Variants in MYLK3 observed in about 807,000 individuals in gnomAD.
The protein encoded by MYLK3 is myosin light chain kinase 3.
MYLK3 carries 55 observed loss-of-function variants against 76.3 expected under a neutral mutation model. The observed-to-expected ratio is 0.72, with a 90% CI of 0.58 to 0.90. The LOEUF is 0.90. Ranked by LOEUF, MYLK3 falls within the 40% of genes least tolerant of loss-of-function variation. The pLI is 0.00. For missense variants in MYLK3, 973 were observed against 1,053.6 expected (o/e 0.92, Z 1.06); for synonymous variants, 416 against 425.4 (o/e 0.98, Z 0.27).
At chr16:46,729,512 A>G (rs747279793) in intron 6 of MYLK3, 82 bp downstream of exon 6, 2 of 1,263,252 alleles carry the variant, frequency 1.6e-6, no homozygotes, top group East Asian at 4.6e-5. Context: ...TTTCCAGCTC[A>G]GCATGGGAGC....
intron 3 of MYLK3, among the ~76,000 whole-genome samples, chr16:46,736,981 C>T (rs1313843614): frequency 6.6e-6 from 1 of 152,246 alleles, no homozygotes; most frequent in African/African-American, 2.4e-5. Context: ...CACGACTCCA[C>T]CTCCAGGACT....
At position 46,732,416 on chromosome 16, in the gene MYLK3, T is replaced by A. The variant is rs1257530646; in HGVS notation, c.1254A>T (p.Gln418His). ...SPGGVKAEEEQRAGAEPGTRP... is the reference protein window; with the variant it reads ...SPGGVKAEEEHRAGAEPGTRP... ...TCGTGCCAGGCTCGGCCCCAGCCCT[T>A]TGCTCCTCCTCTGCCTTCACTCCCC... The change falls in exon 4 of 13, where the codon CAA (glutamine) becomes CAT (histidine). Residue 418 changes from glutamine (Q) to histidine (H), a missense_variant. By Grantham distance (24) the Gln-to-His change is conservative. Transcript: ENST00000394809. The A allele has an allele frequency of 4.3e-6, 7 of 1,613,392 alleles. No homozygotes were observed. Among genetic ancestry groups the A allele is most frequent in the Non-Finnish European group, 5.9e-6 (7 of 1,180,006 alleles).
chr16:46,718,362 G>A (rs557048233), intron 9 of MYLK3, among the ~76,000 whole-genome samples: 1 of 152,306 alleles, frequency 6.6e-6, no homozygotes, highest in East Asian at 1.9e-4. Context: ...ACAATACACT[G>A]TGTGATAGAG....
chr16:46,709,405 G>T, intron 12 of MYLK3, 134 bp downstream of exon 12: 1 of 1,003,450 alleles, frequency 1.0e-6, no homozygotes, highest in Non-Finnish European at 1.4e-6. Context: ...CTGGGCAACA[G>T]AGCAAGACCC....
Position 46,732,446 on chromosome 16 carries a change from G to A in MYLK3, c.1224C>T (p.Ser408=), listed in dbSNP as rs573802324. The part of the protein sequence containing the change: ...RELSPLQESS[S]PGGVKAEEEQ... Reference sequence around the variant, plus strand: ...CCTCCTCTGCCTTCACTCCCCCGGGGCTGCTGCTCTCCTGCAGCGGGGAGA... The same window carrying A: ...CCTCCTCTGCCTTCACTCCCCCGGGACTGCTGCTCTCCTGCAGCGGGGAGA... Residue 408 remains serine, a synonymous_variant, in exon 4 of 13, where the codon AGC becomes AGT. Transcript: ENST00000394809. 1.1e-5 allele frequency: 17 copies of A among 1,612,446 alleles called. No individual in the cohort carries two copies. Among genetic ancestry groups the A allele is most frequent in the Non-Finnish European group, 1.4e-5 (17 of 1,180,012 alleles).
At chr16:46,717,104 T>C (rs1966748433) in intron 9 of MYLK3, among the ~76,000 whole-genome samples, 1 of 152,154 alleles carries the variant, frequency 6.6e-6, no homozygotes, top group South Asian at 2.1e-4. Context: ...AGACATTCCA[T>C]CAGAAGCTCC....
intron 7 of MYLK3, among the ~76,000 whole-genome samples, chr16:46,728,084 C>T (rs940725993): frequency 4.6e-5 from 7 of 152,222 alleles, no homozygotes; most frequent in Admixed American, 2.0e-4. Flanking sequence ...CATAGTCTTT[C>T]GCTTATCTTT....
At chr16:46,742,887 G>A (rs56062411) in intron 1 of MYLK3, among the ~76,000 whole-genome samples, 152 of 152,304 alleles carry the variant, frequency 1.0e-3, no homozygotes, top group Middle Eastern at 3.4e-3. Flanking sequence ...CCGGAGCTGG[G>A]GGAACTGGAG....
At chr16:46,748,592 C>T (rs1026365029), upstream of MYLK3, among the ~76,000 whole-genome samples, 6 of 152,108 alleles carry the variant, frequency 3.9e-5, no homozygotes, top group Admixed American at 6.6e-5. The surrounding 1 kb of genome is among the most constrained non-coding windows in gnomAD (Gnocchi z 4.3). Flanking sequence ...CTTTGGAGAA[C>T]GGCACCTGCC....
chr16:46,721,963 C>T (rs1966804357), intron 8 of MYLK3, among the ~76,000 whole-genome samples: 1 of 152,168 alleles, frequency 6.6e-6, no homozygotes, highest in Non-Finnish European at 1.5e-5. Context: ...TGGGGTGAGA[C>T]CAAAGCATCA....
rs41233 is a variant in MYLK3 at position 46,742,333 on chromosome 16, T to C, written c.478-2186A>G. On this transcript the variant is annotated intron_variant, in intron 1 of 12. Coordinates refer to ENST00000394809, the MANE Select transcript of MYLK3 (RefSeq NM_182493.3). Reference sequence around the variant, plus strand: ...GCACTTTGGGAGGCCGAGGAGGGTGTATCACATGAGGTCAGGAGTTCAAGA... The same window carrying C: ...GCACTTTGGGAGGCCGAGGAGGGTGCATCACATGAGGTCAGGAGTTCAAGA... 6.8e-3 allele frequency among the ~76,000 whole-genome samples: 1,027 copies of C among 151,702 alleles called. 11 individuals carry two copies. Among genetic ancestry groups the C allele is most frequent in the East Asian group, 0.011 (56 of 5,156 alleles).
upstream of MYLK3, among the ~76,000 whole-genome samples, chr16:46,749,931 T>C (rs1036937817): frequency 6.6e-6 from 1 of 152,164 alleles, no homozygotes; most frequent in African/African-American, 2.4e-5. Context: ...CTGGGTGTCA[T>C]TGGTGGAATG....
intron 8 of MYLK3, among the ~76,000 whole-genome samples, chr16:46,722,259 C>T (rs1442472979): frequency 2.0e-5 from 3 of 152,190 alleles, no homozygotes; most frequent in Non-Finnish European, 4.4e-5. Context: ...CCCAGGGGCT[C>T]ATTACCTGGT....
At position 46,706,236 on chromosome 16, in the gene MYLK3, C is replaced by T. The variant is rs1966623527; in HGVS notation, c.*1468G>A. 6.6e-6 allele frequency: 1 copy of T among 151,298 alleles called. No individual in the cohort carries two copies. The highest frequency in any genetic ancestry group is 2.4e-5 in the African/African-American group (1 of 41,126). The allele number at this position is 151,298 out of a possible 1,614,324, so 9.4% of individuals were successfully genotyped here. On this transcript the variant is annotated 3_prime_UTR_variant, in exon 13 of 13. Transcript: ENST00000394809. The stretch of plus-strand genomic sequence containing the variant: ...AACAGTCAGTTAATACCCATACACA[C>T]ATATGTGTTCGTGTGTGTGTGTGTT...
rs905411588 is a variant in MYLK3, at chr16:46,703,078, T to C, written c.*4626A>G. Reference sequence around the variant, plus strand: ...AAGTTTCTTGCATATCCTACGGTTTTTTAATGCACATATAAGCATATGTCT... The same window carrying C: ...AAGTTTCTTGCATATCCTACGGTTTCTTAATGCACATATAAGCATATGTCT... On this transcript the variant is annotated 3_prime_UTR_variant, in exon 13 of 13. Coordinates refer to ENST00000394809, the MANE Select transcript of MYLK3 (RefSeq NM_182493.3). 6.6e-6 allele frequency among the ~76,000 whole-genome samples: 1 copy of C among 152,224 alleles called. No homozygotes were observed. Among genetic ancestry groups the C allele is most frequent in the Non-Finnish European group, 1.5e-5 (1 of 68,038 alleles).
At chr16:46,757,495 C>T in intron 1 of MYLK3, 1 of 985,456 alleles carries the variant, frequency 1.0e-6, no homozygotes, top group Non-Finnish European at 1.2e-6. Flanking sequence ...TGGAGTGGGG[C>T]ACAGAGTCCC....
chr16:46,748,183 G>T lies in MYLK3; in HGVS notation c.11C>A (p.Thr4Asn). Residue 4 changes from threonine to asparagine, a missense_variant, in exon 1 of 13, where the codon ACC becomes AAC. By Grantham distance (65) the Thr-to-Asn change is moderately conservative. Coordinates refer to ENST00000394809, the MANE Select transcript of MYLK3 (RefSeq NM_182493.3). The surrounding 1 kb of genome is among the most constrained non-coding windows in gnomAD (Gnocchi z 4.3). ...CCCATGCCCCAGACTCTCCTTGGAG[G>T]TTCCTGACATGCTGGTGCAGGCTTG... MSGTSKESLGHGGL... is the reference protein window; with the variant it reads MSGNSKESLGHGGL... 2 of 1,612,322 alleles carry T rather than the reference G, an allele frequency of 1.2e-6. No homozygotes were observed. Among genetic ancestry groups the T allele is most frequent in the Non-Finnish European group, 1.7e-6 (2 of 1,178,858 alleles).
intron 8 of MYLK3, chr16:46,726,256 T>C (rs1966840218): frequency 6.6e-6 from 1 of 152,136 alleles, no homozygotes; most frequent in Admixed American, 6.6e-5. Context: ...TACTCAGCCA[T>C]AAAAAGGAAT....
chr16:46,710,702 G>A lies in MYLK3; in HGVS notation c.2202C>T (p.Asp734=). Residue 734 remains aspartate (D), a synonymous_variant, in exon 11 of 13, where the codon GAC becomes GAT. Coordinates refer to ENST00000394809, the MANE Select transcript of MYLK3 (RefSeq NM_182493.3). ...IVNCSWDFDA[D]TFEGLSEEAK... ...CCTCCTCCGAGAGCCCTTCAAAGGT[G>A]TCAGCATCAAAATCCCAGCTACAGT... 2 of 1,614,152 alleles carry A rather than the reference G, an allele frequency of 1.2e-6. No homozygotes were observed. The highest frequency in any genetic ancestry group is 1.7e-6 in the Non-Finnish European group (2 of 1,180,034).
Sources: gnomAD v4.1 joint callset for allele counts (sites outside exome capture counted in the v4.1 genomes callset) on GRCh38, gnomAD v4.1.1 for gene constraint, Gnocchi (gnomAD v3.1) non-coding constraint, MANE v1.5 for transcripts, NCBI Gene and HGNC (gene_info 2026-07-23, HGNC 2026-07-21) for gene names.